RASA2: variants seen among roughly 807,000 people sequenced by gnomAD.
RASA2 encodes the protein ras GTPase-activating protein 2.
Under a neutral mutation model 118.2 loss-of-function variants are expected in RASA2, and 155 were observed. The observed-to-expected ratio is 1.31, with a 90% CI of 1.15 to 1.50. The LOEUF (loss-of-function observed/expected upper bound fraction) is 1.50. RASA2 is among the 40% of genes most tolerant of loss of function. RASA2 has a pLI of 0.00. For synonymous variants in RASA2, 353 were observed against 349.1 expected (o/e 1.01, Z -0.12); for missense variants, 1,016 against 1,009.6 (o/e 1.01, Z -0.09).
chr3:141,509,455 G>A (rs2081917383), intron 1 of RASA2, among the ~76,000 whole-genome samples: 1 of 152,210 alleles, frequency 6.6e-6, no homozygotes, highest in Admixed American at 6.5e-5. Context: ...AACATGTTCA[G>A]GGACAGTTAG....
Position 141,516,315 on chromosome 3 carries a change from CT to C in RASA2, c.252-9del. ...ATATTATTTGAAGTAATGAGCTTTCCTTTTCTTTCTAGCCCATTTTTCAGTG... is the reference window on the plus strand; with the variant it reads ...ATATTATTTGAAGTAATGAGCTTTCCTTTCTTTCTAGCCCATTTTTCAGTG... On this transcript the variant is annotated splice_polypyrimidine_tract_variant and intron_variant, in intron 2 of 23. Transcript: ENST00000286364. 1 of 1,524,288 alleles carries C rather than the reference CT, an allele frequency of 6.6e-7. No individual in the cohort carries two copies. Among genetic ancestry groups the C allele is most frequent in the Non-Finnish European group, 8.8e-7 (1 of 1,138,908 alleles). The allele number at this position is 1,524,288 out of a possible 1,614,324, so 94.4% of individuals were successfully genotyped here. A position where few individuals can be genotyped will look rare whatever the true frequency, so the allele number is the denominator to read the frequency against.
At position 141,574,027 on chromosome 3, in the gene RASA2, C is replaced by A. The variant is rs1577765691; in HGVS notation, c.1443C>A (p.Ile481=). 1.9e-6 allele frequency: 3 copies of A among 1,588,442 alleles called. No individual in the cohort carries two copies. The highest frequency in any genetic ancestry group is 4.6e-5 in the East Asian group (2 of 43,766). ...GCTGCCCCACTGTAATGTGTGATATCTTTTATTCTCTAAGGCAGATGGCTA... is the reference window on the plus strand; with the variant it reads ...GCTGCCCCACTGTAATGTGTGATATATTTTATTCTCTAAGGCAGATGGCTA... ...SMSCPTVMCD[I]FYSLRQMATQ... The change falls in exon 14 of 24, where the codon ATC becomes ATA. Residue 481 remains isoleucine (I), a synonymous_variant. Transcript: ENST00000286364.
In RASA2 at chr3:141,538,100, A is replaced by AACACACAC. The variant is rs60054807; in HGVS notation, c.451-2409_451-2402dup. ...TCATAACTGCCCCATCAAAAAACAA[A>AACACACAC]ACACACACACACACACACACACACA... On this transcript the variant is annotated intron_variant, in intron 4 of 23. Coordinates refer to ENST00000286364, the MANE Select transcript of RASA2 (RefSeq NM_006506.5). 3.3e-3 allele frequency among the ~76,000 whole-genome samples: 455 copies of AACACACAC among 136,654 alleles called. 3 individuals carry two copies. The East Asian group carries it at 0.049, about 15-fold the overall frequency. The allele number at this position is 136,654 out of a possible 152,430, so 89.7% of individuals were successfully genotyped here.
chr3:141,519,298 A>G (rs1363175857), intron 3 of RASA2, among the ~76,000 whole-genome samples: 3 of 152,214 alleles, frequency 2.0e-5, no homozygotes, highest in Non-Finnish European at 4.4e-5. Context: ...AAATTTGCCA[A>G]TATGATAGGT....
At chr3:141,529,409 A>G (rs930492106) in intron 3 of RASA2, among the ~76,000 whole-genome samples, 2 of 152,078 alleles carry the variant, frequency 1.3e-5, no homozygotes, top group Non-Finnish European at 2.9e-5. Context: ...TACTCTGGGT[A>G]AAAACATGAA....
rs913509522 is a variant in RASA2 at position 141,572,556 on chromosome 3, T to C, written c.1170-53T>C. 2.6e-5 allele frequency: 33 copies of C among 1,267,764 alleles called. No homozygotes were observed. The African/African-American group carries it at 3.1e-4, about 12-fold the overall frequency. 78.5% of individuals were successfully genotyped at this position (1,267,764 alleles called of 1,614,324 possible). A position where few individuals can be genotyped will look rare whatever the true frequency, so the allele number is the denominator to read the frequency against. On this transcript the variant is annotated intron_variant, in intron 11 of 23. Transcript: ENST00000286364. The stretch of plus-strand genomic sequence containing the variant: ...TAAATTGGTCAAGTATGTTATATTA[T>C]TGGTTTCAAAACCTTTGTTTACTAC...
chr3:141,552,296 G>A (rs1007078391), intron 5 of RASA2, among the ~76,000 whole-genome samples: 1 of 152,012 alleles, frequency 6.6e-6, no homozygotes, highest in African/African-American at 2.4e-5. Context: ...GATAAATGTG[G>A]TATTACAAGG....
intron 5 of RASA2, among the ~76,000 whole-genome samples, chr3:141,546,159 T>G (rs181028677): frequency 6.6e-6 from 1 of 152,240 alleles, no homozygotes; most frequent in Non-Finnish European, 1.5e-5. Context: ...AGTGCCACAG[T>G]AACCATGAGA....
intron 3 of RASA2, among the ~76,000 whole-genome samples, chr3:141,527,634 A>G (rs1483608288): frequency 6.6e-6 from 1 of 152,042 alleles, no homozygotes; most frequent in Admixed American, 6.6e-5. Flanking sequence ...GGTGTGCAAT[A>G]TTGAATACTT....
chr3:141,565,967 T>C (rs1225058884), intron 9 of RASA2, among the ~76,000 whole-genome samples: 1 of 152,216 alleles, frequency 6.6e-6, no homozygotes, highest in Non-Finnish European at 1.5e-5. Flanking sequence ...AAATTTGCCT[T>C]GGTTAATTCG....
At chr3:141,519,866 A>G (rs766013624) in intron 3 of RASA2, among the ~76,000 whole-genome samples, 22 of 152,218 alleles carry the variant, frequency 1.4e-4, no homozygotes, top group Non-Finnish European at 2.2e-4. Flanking sequence ...TAATATATTA[A>G]TACTAATATA....
chr3:141,572,515 C>A, intron 11 of RASA2, 94 bp from the exon 12 acceptor site: 1 of 852,736 alleles, frequency 1.2e-6, no homozygotes. Flanking sequence ...TCTATTTCAG[C>A]TAAATGCTTC....
intron 3 of RASA2, among the ~76,000 whole-genome samples, chr3:141,516,743 TAA>T (rs2082033057): frequency 6.6e-6 from 1 of 152,068 alleles, no homozygotes; most frequent in South Asian, 2.1e-4. Flanking sequence ...GTTCTCTAGT[TAA>T]ATGTGAAATT....
chr3:141,562,366 G>C (rs575171785), intron 9 of RASA2, among the ~76,000 whole-genome samples: 6 of 147,702 alleles, frequency 4.1e-5, no homozygotes, highest in African/African-American at 1.5e-4. Flanking sequence ...GCTCAAGCCT[G>C]TAATCCCAGC....
At position 141,516,366 on chromosome 3, in the gene RASA2, G is replaced by A. The variant is rs1194144227; in HGVS notation, c.290G>A (p.Arg97Lys). Residue 97 changes from arginine (R) to lysine (K), a missense_variant, in exon 3 of 24, where the codon AGA becomes AAA. By Grantham distance (26) the Arg-to-Lys change is conservative. Around this residue, in one of 2 missense-constraint regions of RASA2, gnomAD observed 896 missense variants for 836.4 expected, o/e 1.07. Transcript: ENST00000286364. The part of the protein sequence containing the change: ...FSEEFYFEIP[R>K]TFQYLSFYVY... ...GAAGAATTTTACTTTGAGATTCCAA[G>A]AACTTTCCAGTATTTGTCTTTCTAT... 3 of 1,568,084 alleles carry A rather than the reference G, an allele frequency of 1.9e-6. No individual in the cohort carries two copies. Among genetic ancestry groups the A allele is most frequent in the Non-Finnish European group, 2.6e-6 (3 of 1,157,628 alleles).
At chr3:141,558,289 A>G (rs1193973474) in intron 7 of RASA2, among the ~76,000 whole-genome samples, 1 of 152,212 alleles carries the variant, frequency 6.6e-6, no homozygotes, top group Non-Finnish European at 1.5e-5. Flanking sequence ...TGCAAAATAA[A>G]ACATAAAATT....
At chr3:141,562,388 G>C (rs13085340) in intron 9 of RASA2, among the ~76,000 whole-genome samples, 146,769 of 146,778 alleles carry the variant, frequency 1, 73,380 homozygotes, top group Middle Eastern at 1. Context: ...CTTTGGGAGC[G>C]CAAGGCAGGC....
At chr3:141,528,793 A>G (rs1235441167) in intron 3 of RASA2, among the ~76,000 whole-genome samples, 4 of 152,034 alleles carry the variant, frequency 2.6e-5, no homozygotes, top group South Asian at 2.1e-4. Context: ...ATGTTGAACT[A>G]AAAGACCAAG....
intron 14 of RASA2, among the ~76,000 whole-genome samples, chr3:141,576,467 T>A (rs997451795): frequency 8.5e-5 from 13 of 152,238 alleles, no homozygotes; most frequent in African/African-American, 2.2e-4. Flanking sequence ...AGGTGAATGA[T>A]CAAAGCCACC....
Sources: gnomAD v4.1 joint callset for allele counts (sites outside exome capture counted in the v4.1 genomes callset) on GRCh38, gnomAD v4.1.1 for gene constraint, gnomAD v4.1.1 regional missense constraint, MANE v1.5 for transcripts, NCBI Gene and HGNC (gene_info 2026-07-23, HGNC 2026-07-21) for gene names.